Variants in DAB1 observed in about 807,000 individuals in gnomAD.
DAB1 encodes the protein DAB adaptor protein 1, also known as disabled homolog 1.
DAB1 carries 15 observed loss-of-function variants against 64.6 expected under a neutral mutation model. That is an observed-to-expected ratio of 0.23 (90% CI 0.16 to 0.36). The LOEUF (loss-of-function observed/expected upper bound fraction) is 0.36, where lower values mean the gene tolerates loss of function less well. Among genes scored for constraint, DAB1 ranks in the 10% least tolerant of loss-of-function variants. The pLI is 1.00. For missense variants in DAB1, 596 were observed against 706.7 expected (o/e 0.84, Z 1.78); for synonymous variants, 235 against 251.9 (o/e 0.93, Z 0.64).
chr1:57,880,034 T>G (rs745833873), intron 1 of DAB1: 1 of 152,100 alleles, frequency 6.6e-6, no homozygotes, highest in Non-Finnish European at 1.5e-5. Context: ...AATGGGCCCA[T>G]TGTATTCATA....
At chr1:57,871,815 A>C (rs190866566) in intron 1 of DAB1, among the ~76,000 whole-genome samples, 3 of 152,266 alleles carry the variant, frequency 2.0e-5, no homozygotes, top group Non-Finnish European at 4.4e-5. Flanking sequence ...GAGTGTATAC[A>C]TGTATGGGTA....
chr1:57,797,339 TA>T (rs1474046138), intron 6 of DAB1, among the ~76,000 whole-genome samples: 4 of 152,208 alleles, frequency 2.6e-5, no homozygotes, highest in African/African-American at 9.6e-5. Context: ...CAAGGCTTGG[TA>T]ATTTATCTCT....
intron 3 of DAB1, among the ~76,000 whole-genome samples, chr1:58,373,534 G>A (rs1644291605): frequency 6.6e-6 from 1 of 151,162 alleles, no homozygotes; most frequent in Non-Finnish European, 1.5e-5. Flanking sequence ...AGTATTCCAT[G>A]GTGTATATGT....
chr1:57,700,266 T>A (rs553075217), intron 6 of DAB1, among the ~76,000 whole-genome samples: 2,251 of 152,322 alleles, frequency 0.015, 24 homozygotes, highest in Non-Finnish European at 0.025. Context: ...TTATCATACT[T>A]TTTTTAAGTA....
chr1:57,074,251 A>T (rs372438970), intron 4 of DAB1, among the ~76,000 whole-genome samples: 102 of 152,294 alleles, frequency 6.7e-4, no homozygotes, highest in East Asian at 2.9e-3. Context: ...GCACTTAGTT[A>T]TGGTTTAAAT....
At chr1:57,005,037 G>T (rs1331522243) in intron 14 of DAB1, among the ~76,000 whole-genome samples, 1 of 152,144 alleles carries the variant, frequency 6.6e-6, no homozygotes, top group African/African-American at 2.4e-5. Context: ...TGAAAGTCTG[G>T]CTGTTAGGGT....
At chr1:58,078,955 C>T (rs989695183) in intron 5 of DAB1, among the ~76,000 whole-genome samples, 9 of 152,192 alleles carry the variant, frequency 5.9e-5, no homozygotes, top group African/African-American at 2.2e-4. Flanking sequence ...GACATTGTTA[C>T]TGGCCAAGGC....
chr1:57,297,010 T>C (rs1673249753), intron 1 of DAB1, among the ~76,000 whole-genome samples: 1 of 152,134 alleles, frequency 6.6e-6, no homozygotes, highest in South Asian at 2.1e-4. Flanking sequence ...AAAATTAACA[T>C]CAACAAACAG....
At chr1:58,121,675 C>A (rs936859061) in intron 5 of DAB1, among the ~76,000 whole-genome samples, 3 of 152,168 alleles carry the variant, frequency 2.0e-5, no homozygotes, top group African/African-American at 7.2e-5. Context: ...GTGAGCCCTA[C>A]CATTGTTAAC....
At chr1:58,175,937 C>G (rs377334880) in intron 4 of DAB1, among the ~76,000 whole-genome samples, 5 of 152,286 alleles carry the variant, frequency 3.3e-5, no homozygotes, top group African/African-American at 1.2e-4. Flanking sequence ...AAAAAGGAAG[C>G]ATTCACATAG....
chr1:58,359,074 G>T lies in DAB1; in HGVS notation n.258-15671C>A, dbSNP rs75213571. On this transcript the variant is annotated intron_variant and non_coding_transcript_variant, in intron 3 of 20. Transcript: ENST00000485760. Reference sequence around the variant, plus strand: ...ACTTGGGTAGGGTAGAAAGAGGAGAGGATAGACCATTTCATTAGCCAACGA... The same window carrying T: ...ACTTGGGTAGGGTAGAAAGAGGAGATGATAGACCATTTCATTAGCCAACGA... Among the ~76,000 whole-genome samples the T allele has an allele frequency of 9.6e-3, 1,456 of 152,004 alleles. 21 individuals are homozygous for T. Among genetic ancestry groups the T allele is most frequent in the African/African-American group, 0.033 (1,374 of 41,448 alleles).
intron 4 of DAB1, among the ~76,000 whole-genome samples, chr1:58,256,157 C>T (rs959417516): frequency 6.6e-5 from 10 of 152,202 alleles, no homozygotes; most frequent in Admixed American, 2.0e-4. Flanking sequence ...TGTGTTTTCT[C>T]CCTCTCCAGT....
intron 4 of DAB1, among the ~76,000 whole-genome samples, chr1:58,153,548 T>A (rs1043639337): frequency 2.6e-5 from 4 of 152,314 alleles, no homozygotes; most frequent in Middle Eastern, 3.4e-3. Context: ...GTCTTTCATA[T>A]CTTATGAAAT....
At chr1:57,046,273 C>A (rs1459103719) in intron 9 of DAB1, among the ~76,000 whole-genome samples, 1 of 152,198 alleles carries the variant, frequency 6.6e-6, no homozygotes, top group Non-Finnish European at 1.5e-5. Context: ...AAGCACTAAG[C>A]ACACTTGCTG....
At chr1:57,295,265 T>C (rs1673094114) in intron 1 of DAB1, among the ~76,000 whole-genome samples, 1 of 152,200 alleles carries the variant, frequency 6.6e-6, no homozygotes, top group Non-Finnish European at 1.5e-5. Context: ...CAACCTGATA[T>C]GAGCCTTGTG....
intron 4 of DAB1, among the ~76,000 whole-genome samples, chr1:58,277,037 CTTTTTTTTTTTTTT>C (rs869207396): frequency 1.3e-5 from 1 of 79,648 alleles, no homozygotes; most frequent in Non-Finnish European, 2.3e-5. Flanking sequence ...CTTTTTTTTT[CTTTTTTTTTTTTTT>C]TTTTTTGAGA....
At chr1:58,445,192 C>T (rs1247714282) in intron 3 of DAB1, among the ~76,000 whole-genome samples, 1 of 152,180 alleles carries the variant, frequency 6.6e-6, no homozygotes, top group Non-Finnish European at 1.5e-5. Context: ...TGGAAGATAA[C>T]CAAATCTACT....
At chr1:58,117,843 T>G (rs6659516) in intron 5 of DAB1, among the ~76,000 whole-genome samples, 6,449 of 51,606 alleles carry the variant, frequency 0.12, 182 homozygotes, top group African/African-American at 0.14. Flanking sequence ...TCATGCTTTG[T>G]TTTTTTTTTT....
In DAB1 at chr1:58,459,246, C is replaced by A. The variant is rs1006924780; in HGVS notation, n.257+46814G>T. Among the ~76,000 whole-genome samples the A allele has an allele frequency of 5.3e-4, 80 of 152,200 alleles. 1 individual carries two copies. Among genetic ancestry groups the A allele is most frequent in the East Asian group, 3.8e-4 (2 of 5,200 alleles). ...ATCACCAAAACCTAGGATCTTAAAACAATAAACATGAATTATCTCACTGTT... is the reference window on the plus strand; with the variant it reads ...ATCACCAAAACCTAGGATCTTAAAAAAATAAACATGAATTATCTCACTGTT... On this transcript the variant is annotated intron_variant and non_coding_transcript_variant, in intron 3 of 20. Coordinates refer to the DAB1 transcript ENST00000485760.
Sources: gnomAD v4.1 joint callset for allele counts (sites outside exome capture counted in the v4.1 genomes callset) on GRCh38, gnomAD v4.1.1 for gene constraint, MANE v1.5 for transcripts, NCBI Gene and HGNC (gene_info 2026-07-23, HGNC 2026-07-21) for gene names.